Variants in RBM27 observed in about 807,000 individuals in gnomAD.
The protein encoded by RBM27 is RNA binding motif protein 27.
RBM27 carries 22 observed loss-of-function variants against 135.3 expected under a neutral mutation model. The ratio of observed to expected loss-of-function variants is 0.16; its 90% CI spans 0.12 to 0.23. The LOEUF (loss-of-function observed/expected upper bound fraction) is 0.23, where lower values mean the gene tolerates loss of function less well. RBM27 is among the 10% of genes least tolerant of loss of function. The pLI, the probability that RBM27 is intolerant of heterozygous loss-of-function variation, is 1.00. For synonymous variants in RBM27, 481 were observed against 442.4 expected, an observed-to-expected ratio of 1.09 and a Z score of -1.10; for missense variants, 1,009 against 1,281.0, an observed-to-expected ratio of 0.79 and a Z score of 3.24.
chr5:146,239,157 A>T (rs541679291), intron 8 of RBM27, among the ~76,000 whole-genome samples: 2 of 152,284 alleles, frequency 1.3e-5, no homozygotes, highest in South Asian at 4.1e-4. Context: ...GGACTGACTC[A>T]TTGCTTTGCT....
Position 146,263,589 on chromosome 5 carries a change from A to G in RBM27, c.2289A>G (p.Ser763=), listed in dbSNP as rs1188924412. ...CAGGTGGTAACCAGAGTGATGCATCACATTTGTTGAATCAGTCTGGTGGTG... is the reference window on the plus strand; with the variant it reads ...CAGGTGGTAACCAGAGTGATGCATCGCATTTGTTGAATCAGTCTGGTGGTG... ...GHAGGNQSDA[S]HLLNQSGGAG... Residue 763 remains serine (S), a synonymous_variant, in exon 14 of 21, where the codon TCA becomes TCG. Coordinates refer to ENST00000265271, the MANE Select transcript of RBM27 (RefSeq NM_018989.2). 1.4e-5 allele frequency: 23 copies of G among 1,614,170 alleles called. No homozygotes were observed. The highest frequency in any genetic ancestry group is 1.9e-5 in the Non-Finnish European group (22 of 1,180,032).
intron 7 of RBM27, among the ~76,000 whole-genome samples, chr5:146,235,004 C>A (rs1757096125): frequency 6.8e-6 from 1 of 148,050 alleles, no homozygotes; most frequent in South Asian, 2.1e-4. Context: ...TCCATTCTAG[C>A]CTGGGTGACA....
chr5:146,257,539 T>A (rs1371351944), intron 10 of RBM27, among the ~76,000 whole-genome samples: 10 of 152,236 alleles, frequency 6.6e-5, no homozygotes, highest in Admixed American at 6.5e-4. Flanking sequence ...CTTTCTTCTC[T>A]CCACTCACAT....
At chr5:146,223,284 A>G (rs1756534514) in intron 2 of RBM27, 119 bp from the exon 3 acceptor site, 1 of 792,154 alleles carries the variant, frequency 1.3e-6, no homozygotes, top group South Asian at 3.3e-5. Flanking sequence ...GGTAGGACTC[A>G]TTTTTAGTCC....
chr5:146,268,982 CATAGAT>C lies in RBM27; in HGVS notation c.2452-220_2452-215del, dbSNP rs554542138. Reference sequence around the variant, plus strand: ...TCAGGTCATTCAAGTCAATAAATCTCATAGATATAGCTAATTAGGTCCAATATTTTA... The same window carrying C: ...TCAGGTCATTCAAGTCAATAAATCTCATAGCTAATTAGGTCCAATATTTTA... On this transcript the variant is annotated intron_variant, in intron 15 of 20. Transcript: ENST00000265271. Among the ~76,000 whole-genome samples the C allele has an allele frequency of 2.9e-3, 443 of 152,280 alleles. 5 individuals are homozygous for C. The highest frequency in any genetic ancestry group is 9.5e-3 in the African/African-American group (394 of 41,566).
At chr5:146,204,873 G>GT (rs1755557629) in intron 1 of RBM27, among the ~76,000 whole-genome samples, 1 of 152,060 alleles carries the variant, frequency 6.6e-6, no homozygotes, top group Non-Finnish European at 1.5e-5. Flanking sequence ...CTTGAAAGAG[G>GT]TAACAGATGT....
chr5:146,229,983 C>A (rs1350113376), intron 5 of RBM27, 73 bp downstream of exon 5: 1 of 1,537,428 alleles, frequency 6.5e-7, no homozygotes, highest in Non-Finnish European at 8.9e-7. Flanking sequence ...GCAAGAAATT[C>A]TCTTAAAGTT....
At chr5:146,222,934 C>G (rs1756518341) in intron 2 of RBM27, among the ~76,000 whole-genome samples, 2 of 152,106 alleles carry the variant, frequency 1.3e-5, no homozygotes, top group African/African-American at 4.8e-5. Context: ...ATGAAAGTCT[C>G]TTACCTGTTT....
chr5:146,237,041 C>T (rs565584974), intron 7 of RBM27, among the ~76,000 whole-genome samples: 6 of 147,412 alleles, frequency 4.1e-5, no homozygotes, highest in South Asian at 4.3e-4. Context: ...CAGGTTCAAG[C>T]GATTCTCCTG....
rs57386180 is a variant in RBM27 at position 146,225,636 on chromosome 5, G to GCTCA, written c.303+2112_303+2115dup. On this transcript the variant is annotated intron_variant, in intron 3 of 20. Transcript: ENST00000265271. ...GTTGGAGTGCAGTGGTGCCATCTCA[G>GCTCA]CTCACTGCAACTTCCACCTCCTGGG... Among the ~76,000 whole-genome samples the GCTCA allele has an allele frequency of 4.4e-4, 66 of 150,286 alleles. 1 individual carries two copies. The highest frequency in any genetic ancestry group is 1.6e-3 in the African/African-American group (65 of 40,812).
At chr5:146,222,139 C>T (rs1756485899) in intron 2 of RBM27, among the ~76,000 whole-genome samples, 1 of 151,984 alleles carries the variant, frequency 6.6e-6, no homozygotes. Flanking sequence ...TGATTATTGT[C>T]TTAAGTTTAT....
At chr5:146,256,299 T>C (rs994659892) in intron 10 of RBM27, among the ~76,000 whole-genome samples, 9 of 146,820 alleles carry the variant, frequency 6.1e-5, no homozygotes, top group African/African-American at 1.7e-4. Flanking sequence ...ATTTTATATA[T>C]ATATTATTTA....
At position 146,258,466 on chromosome 5, in the gene RBM27, C is replaced by A; in HGVS notation, c.1612C>A (p.Gln538Lys). 2 of 1,571,704 alleles carry A rather than the reference C, an allele frequency of 1.3e-6. No individual in the cohort carries two copies. Among genetic ancestry groups the A allele is most frequent in the African/African-American group, 1.4e-5 (1 of 72,862 alleles). Residue 538 changes from glutamine to lysine, a missense_variant, in exon 11 of 21, where the codon CAG (glutamine) becomes AAG (lysine). This residue lies in a region of RBM27 where 329 missense variants were observed against 368.1 expected (regional missense o/e 0.89). Transcript: ENST00000265271. ...VNPRAANIVI[Q>K]TEPPVPVSIN... ...TCCAACAGCTGCTAACATTGTGATC[C>A]AGACTGAACCACCAGTTCCTGTTTC...
Position 146,284,607 on chromosome 5 carries a change from TA to T in RBM27, c.2989-13del. On this transcript the variant is annotated splice_polypyrimidine_tract_variant and intron_variant, in intron 19 of 20. Transcript: ENST00000265271. ...TTGAGTGCAAACTTGTATGTTCTTC[TA>T]ATATATATTTTAGACCGCAAACCAA... 6.6e-7 allele frequency: 1 copy of T among 1,522,280 alleles called. No individual in the cohort carries two copies. Among genetic ancestry groups the T allele is most frequent in the Non-Finnish European group, 9.1e-7 (1 of 1,101,360 alleles). The allele number at this position is 1,522,280 out of a possible 1,614,324, so 94.3% of individuals were successfully genotyped here. A position where few individuals can be genotyped will look rare whatever the true frequency, so the allele number is the denominator to read the frequency against.
At chr5:146,220,974 T>C (rs1256005295) in intron 2 of RBM27, among the ~76,000 whole-genome samples, 1 of 151,852 alleles carries the variant, frequency 6.6e-6, no homozygotes, top group Non-Finnish European at 1.5e-5. Flanking sequence ...TCCCAGCACT[T>C]TGGGAGGCCG....
chr5:146,288,113 G>A lies in RBM27; in HGVS notation c.*2083G>A, dbSNP rs1759654420. ...CAGCGTATAGATTTCAATAAGAATTGTTGTATTTTTGTATTTGGAAACTGA... is the reference window on the plus strand; with the variant it reads ...CAGCGTATAGATTTCAATAAGAATTATTGTATTTTTGTATTTGGAAACTGA... On this transcript the variant is annotated 3_prime_UTR_variant, in exon 21 of 21. Transcript: ENST00000265271. The A allele has an allele frequency of 6.6e-6, 1 of 151,272 alleles. No individual in the cohort carries two copies. The highest frequency in any genetic ancestry group is 2.4e-5 in the African/African-American group (1 of 41,222). 9.4% of individuals were successfully genotyped at this position (151,272 alleles called of 1,614,324 possible). A position where few individuals can be genotyped will look rare whatever the true frequency, so the allele number is the denominator to read the frequency against.
intron 9 of RBM27, 33 bp from the exon 10 acceptor site, chr5:146,254,910 T>A: frequency 6.7e-7 from 1 of 1,493,494 alleles, no homozygotes; most frequent in Non-Finnish European, 9.1e-7. Flanking sequence ...CTCTCTGATT[T>A]GTTGTGTGTT....
chr5:146,208,619 A>G (rs570372282), intron 1 of RBM27, among the ~76,000 whole-genome samples: 2 of 152,294 alleles, frequency 1.3e-5, no homozygotes, highest in East Asian at 3.9e-4. Context: ...AGTCATAGAG[A>G]CTGTAGGGAT....
At chr5:146,236,352 T>C (rs1439610068) in intron 7 of RBM27, among the ~76,000 whole-genome samples, 1 of 152,230 alleles carries the variant, frequency 6.6e-6, no homozygotes. Context: ...TTAAGCATGC[T>C]TATCATTAAC....
Sources: allele counts gnomAD v4.1 joint callset (sites outside exome capture counted in the v4.1 genomes callset), GRCh38; gene constraint gnomAD v4.1.1; regional missense constraint gnomAD v4.1.1; transcripts MANE v1.5; gene names NCBI Gene and HGNC (gene_info 2026-07-23, HGNC 2026-07-21).